FYB2: variants seen among roughly 807,000 people sequenced by gnomAD.
FYB2 encodes FYN-binding protein 2.
FYB2 carries 103 observed loss-of-function variants against 94.1 expected under a neutral mutation model. The ratio of observed to expected loss-of-function variants is 1.09; its 90% CI spans 0.93 to 1.29. The LOEUF (loss-of-function observed/expected upper bound fraction) is 1.29, where lower values mean the gene tolerates loss of function less well. Ranked by LOEUF, FYB2 falls within the 50% of genes most tolerant of loss-of-function variation. The pLI is 0.00. For missense variants in FYB2, 896 were observed against 841.5 expected (o/e 1.06, Z -0.80); for synonymous variants, 293 against 287.9 (o/e 1.02, Z -0.18).
chr1:56,766,103 T>G (rs1645616209), intron 5 of FYB2, among the ~76,000 whole-genome samples: 1 of 152,222 alleles, frequency 6.6e-6, no homozygotes, highest in African/African-American at 2.4e-5. Flanking sequence ...TCTTTCAAAG[T>G]GTGGTCTGTA....
At chr1:56,760,349 T>C (rs548940622) in intron 5 of FYB2, among the ~76,000 whole-genome samples, 27 of 152,136 alleles carry the variant, frequency 1.8e-4, no homozygotes, top group Non-Finnish European at 3.5e-4. Context: ...AAACATATAA[T>C]ACACTGACAA....
chr1:56,820,315 G>A (rs1374868927), upstream of FYB2, among the ~76,000 whole-genome samples: 2 of 152,128 alleles, frequency 1.3e-5, no homozygotes, highest in Non-Finnish European at 2.9e-5. Context: ...GAAGAGCCAG[G>A]GTTGGAACCC....
chr1:56,762,917 C>T (rs556291291), intron 5 of FYB2, among the ~76,000 whole-genome samples: 13 of 152,238 alleles, frequency 8.5e-5, no homozygotes, highest in East Asian at 3.9e-4. Context: ...ACAATAGAGT[C>T]CCCATCTATT....
chr1:56,720,603 T>C, intron 17 of FYB2: 1 of 244,662 alleles, frequency 4.1e-6, no homozygotes, highest in Non-Finnish European at 7.7e-6. Flanking sequence ...TTCTCTCAAA[T>C]CTTTTTTAAA....
At chr1:56,765,594 T>C (rs1214351795) in intron 5 of FYB2, among the ~76,000 whole-genome samples, 1 of 152,228 alleles carries the variant, frequency 6.6e-6, no homozygotes, top group East Asian at 1.9e-4. Flanking sequence ...GTTTTCTGTC[T>C]TTCTAGGTTG....
intron 15 of FYB2, among the ~76,000 whole-genome samples, chr1:56,727,403 G>A (rs1331010954): frequency 6.6e-6 from 1 of 151,980 alleles, no homozygotes; most frequent in Non-Finnish European, 1.5e-5. Flanking sequence ...ATCTGTGGCA[G>A]TATTATTTGT....
the FYB2 span, chr1:56,826,703 G>T: frequency 6.6e-6 from 1 of 152,228 alleles, no homozygotes; most frequent in African/African-American, 2.4e-5. Context: ...AATTGGTCTT[G>T]CAACAACACA....
chr1:56,778,824 TA>T (rs1645942806), intron 4 of FYB2, among the ~76,000 whole-genome samples: 2 of 152,146 alleles, frequency 1.3e-5, no homozygotes, highest in African/African-American at 4.8e-5. Flanking sequence ...TCTTCCCAAC[TA>T]AAATATATAC....
intron 9 of FYB2, among the ~76,000 whole-genome samples, chr1:56,745,643 C>T (rs959962210): frequency 1.3e-5 from 2 of 152,002 alleles, no homozygotes; most frequent in African/African-American, 4.8e-5. Flanking sequence ...ACCTCCTAAC[C>T]GGTCTCCCCG....
intron 17 of FYB2, among the ~76,000 whole-genome samples, chr1:56,723,027 G>A (rs989945356): frequency 6.6e-6 from 1 of 152,034 alleles, no homozygotes; most frequent in African/African-American, 2.4e-5. Context: ...AGAAGGCAGA[G>A]AGCTTCGGAT....
At chr1:56,732,315 T>C (rs1431957127) in intron 15 of FYB2, among the ~76,000 whole-genome samples, 1 of 152,138 alleles carries the variant, frequency 6.6e-6, no homozygotes, top group Non-Finnish European at 1.5e-5. Flanking sequence ...ACAACACTGA[T>C]GAAATAAATT....
At chr1:56,788,829 C>G (rs780489784) in intron 3 of FYB2, 144 bp downstream of exon 3, 2 of 1,191,444 alleles carry the variant, frequency 1.7e-6, no homozygotes, top group South Asian at 2.8e-5. Context: ...CATGGGCAAG[C>G]TGCCACAGCC....
intron 11 of FYB2, 55 bp from the exon 12 acceptor site, chr1:56,742,276 T>A: frequency 7.4e-7 from 1 of 1,360,028 alleles, no homozygotes; most frequent in Admixed American, 2.1e-5. Context: ...TAGTTCAGAT[T>A]CATATTTAAC....
chr1:56,723,093 C>A (rs547065186), intron 17 of FYB2, among the ~76,000 whole-genome samples: 1 of 152,072 alleles, frequency 6.6e-6, no homozygotes, highest in South Asian at 2.1e-4. Flanking sequence ...TTTAGGCATT[C>A]ATTTACCAAA....
At chr1:56,789,967 C>G (rs574395110) in intron 2 of FYB2, among the ~76,000 whole-genome samples, 2 of 152,282 alleles carry the variant, frequency 1.3e-5, no homozygotes, top group African/African-American at 4.8e-5. Flanking sequence ...ATCTGGGCAC[C>G]TGTGTCCTGG....
At chr1:56,821,158 C>T (rs142596600), upstream of FYB2, among the ~76,000 whole-genome samples, 3 of 152,312 alleles carry the variant, frequency 2.0e-5, no homozygotes, top group Non-Finnish European at 4.4e-5. Context: ...TGGAGCCCTC[C>T]CCGCAGTCCC....
At chr1:56,807,525 T>C (rs1646675185) in intron 1 of FYB2, among the ~76,000 whole-genome samples, 1 of 152,230 alleles carries the variant, frequency 6.6e-6, no homozygotes, top group Admixed American at 6.5e-5. Flanking sequence ...GGAAGTCATT[T>C]TTAAGATCTG....
upstream of FYB2, chr1:56,824,567 T>C (rs1235340592): frequency 6.6e-6 from 1 of 152,206 alleles, no homozygotes. Flanking sequence ...TGGGGAGGCA[T>C]AGCTTCTCTC....
intron 5 of FYB2, among the ~76,000 whole-genome samples, chr1:56,765,638 G>C (rs1247473631): frequency 6.6e-6 from 1 of 152,198 alleles, no homozygotes; most frequent in Admixed American, 6.5e-5. Context: ...GAAAGAGCAG[G>C]CTTCAGCTGA....
Sources: allele counts gnomAD v4.1 joint callset (sites outside exome capture counted in the v4.1 genomes callset), GRCh38; gene constraint gnomAD v4.1.1; transcripts MANE v1.5; gene names NCBI Gene and HGNC (gene_info 2026-07-23, HGNC 2026-07-21).